Variants in PKP4 observed in about 807,000 individuals in gnomAD.
The protein encoded by PKP4 is plakophilin 4, also known as plakophilin-4.
Under a neutral mutation model 145.1 loss-of-function variants are expected in PKP4, and 90 were observed. That is an observed-to-expected ratio of 0.62 (90% CI 0.52 to 0.74). The LOEUF is 0.74. Among genes scored for constraint, PKP4 ranks in the 30% least tolerant of loss-of-function variants. The pLI is 0.00. For synonymous variants in PKP4, 563 were observed against 577.2 expected, an observed-to-expected ratio of 0.98 and a Z score of 0.35; for missense variants, 1,340 against 1,482.7, an observed-to-expected ratio of 0.90 and a Z score of 1.58.
At chr2:158,595,082 T>G (rs761453130) in intron 3 of PKP4, among the ~76,000 whole-genome samples, 1 of 152,194 alleles carries the variant, frequency 6.6e-6, no homozygotes, top group East Asian at 1.9e-4. Flanking sequence ...TGTTCTGACG[T>G]TAAGACAGAG....
chr2:158,673,858 G>A, intron 18 of PKP4, 25 bp from the exon 19 acceptor site: 1 of 1,534,580 alleles, frequency 6.5e-7, no homozygotes, highest in Non-Finnish European at 9.0e-7. Context: ...ATTTTGAGAG[G>A]TTTCTTTTTC....
intron 1 of PKP4, among the ~76,000 whole-genome samples, chr2:158,520,376 T>C (rs2042270621): frequency 6.6e-6 from 1 of 152,244 alleles, no homozygotes; most frequent in South Asian, 2.1e-4. Flanking sequence ...TCTAGGCATT[T>C]ATACATCGTA....
At chr2:158,638,614 G>A (rs1007037320) in intron 9 of PKP4, among the ~76,000 whole-genome samples, 4 of 152,176 alleles carry the variant, frequency 2.6e-5, no homozygotes, top group African/African-American at 9.7e-5. Context: ...TCATCTGGCT[G>A]CTGTATAAAG....
At chr2:158,481,195 A>G (rs565413393) in intron 1 of PKP4, among the ~76,000 whole-genome samples, 16 of 152,268 alleles carry the variant, frequency 1.1e-4, no homozygotes, top group African/African-American at 3.6e-4. Flanking sequence ...AAGTGCTGTG[A>G]TTACAGGTGT....
At chr2:158,586,846 C>G (rs1022805800) in intron 3 of PKP4, among the ~76,000 whole-genome samples, 2 of 152,152 alleles carry the variant, frequency 1.3e-5, no homozygotes, top group African/African-American at 4.8e-5. Flanking sequence ...ATCCAAATGA[C>G]AAGTATCTCT....
intron 11 of PKP4, among the ~76,000 whole-genome samples, chr2:158,648,912 C>A (rs2055078763): frequency 6.6e-6 from 1 of 152,126 alleles, no homozygotes; most frequent in South Asian, 2.1e-4. Flanking sequence ...GCAGGAAAAT[C>A]GCTTGAGCCT....
Position 158,673,745 on chromosome 2 carries a change from G to A in PKP4, c.2993G>A (p.Arg998Gln), listed in dbSNP as rs764636523. Residue 998 changes from arginine (R) to glutamine (Q), a missense_variant, in exon 18 of 22, where the codon CGG becomes CAG. Physicochemically the swap from Arg to Gln is conservative, Grantham distance 43. Transcript: ENST00000389759. Reference protein sequence around the residue: ...LNTLWQYRDLRSIYKKDGWNQ... With the variant: ...LNTLWQYRDLQSIYKKDGWNQ... ...ACATTATGGCAATATCGGGACCTCC[G>A]GAGCATTTATAAAAAGGTAACCTAC... 1.9e-5 allele frequency: 30 copies of A among 1,611,866 alleles called. No homozygotes were observed. Among genetic ancestry groups the A allele is most frequent in the South Asian group, 5.5e-5 (5 of 91,028 alleles).
chr2:158,553,779 A>G (rs2045836825), intron 2 of PKP4, among the ~76,000 whole-genome samples: 2 of 152,178 alleles, frequency 1.3e-5, no homozygotes, highest in South Asian at 2.1e-4. Context: ...TTGGAAGCAG[A>G]TAACTTATCT....
At chr2:158,605,755 C>G (rs889807861) in intron 4 of PKP4, among the ~76,000 whole-genome samples, 1 of 152,230 alleles carries the variant, frequency 6.6e-6, no homozygotes, top group Admixed American at 6.5e-5. Context: ...TTCATCACCC[C>G]TAAAAGAAAC....
intron 2 of PKP4, among the ~76,000 whole-genome samples, chr2:158,544,427 G>C (rs570712593): frequency 1.3e-5 from 2 of 152,230 alleles, no homozygotes; most frequent in South Asian, 4.2e-4. Flanking sequence ...TATGCACTAA[G>C]AAATAAGAAT....
chr2:158,588,573 A>G (rs773918204), intron 3 of PKP4, among the ~76,000 whole-genome samples: 5 of 152,158 alleles, frequency 3.3e-5, no homozygotes, highest in Admixed American at 1.3e-4. Context: ...TAACTCTGGG[A>G]TATATTTCTT....
At chr2:158,611,905 CCA>C (rs1325312178) in intron 4 of PKP4, among the ~76,000 whole-genome samples, 2 of 152,038 alleles carry the variant, frequency 1.3e-5, no homozygotes, top group African/African-American at 2.4e-5. Context: ...GCCCATTTAG[CCA>C]CACAGTCTTG....
chr2:158,566,623 C>A (rs551903176), intron 2 of PKP4, among the ~76,000 whole-genome samples: 103 of 152,220 alleles, frequency 6.8e-4, no homozygotes, highest in Non-Finnish European at 1.1e-3. Flanking sequence ...ATTAATTCTA[C>A]CAAATAACTA....
intron 1 of PKP4, among the ~76,000 whole-genome samples, chr2:158,531,587 A>C (rs1290387412): frequency 6.6e-6 from 1 of 152,192 alleles, no homozygotes. Flanking sequence ...TTTGTTTTAC[A>C]TCTCAATAAG....
At chr2:158,561,793 C>CTTTTTTTTTTTT (rs758042959) in intron 2 of PKP4, among the ~76,000 whole-genome samples, 1 of 145,276 alleles carries the variant, frequency 6.9e-6, no homozygotes, top group Non-Finnish European at 1.5e-5. Context: ...TCAAGTCAGT[C>CTTTTTTTTTTTT]TTTTTTTTTT....
At chr2:158,650,886 G>C (rs941213236) in intron 11 of PKP4, among the ~76,000 whole-genome samples, 1 of 152,328 alleles carries the variant, frequency 6.6e-6, no homozygotes, top group East Asian at 1.9e-4. Flanking sequence ...GCAGCAACTG[G>C]CCTCTCATGC....
At position 158,663,430 on chromosome 2, in the gene PKP4, T is replaced by C. The variant is rs2056791498; in HGVS notation, c.2562T>C (p.Ser854=). 5.6e-6 allele frequency: 9 copies of C among 1,611,594 alleles called. No individual in the cohort carries two copies. The South Asian group carries it at 1.0e-4, about 18-fold the overall frequency. The change falls in exon 15 of 22, where the codon TCT becomes TCC. Residue 854 remains serine (S), a synonymous_variant. Coordinates refer to ENST00000389759, the MANE Select transcript of PKP4 (RefSeq NM_003628.6). Reference sequence around the variant, plus strand: ...CTGCAGGGTCTCTCCAGAACCTCTCTGCTGGCAACTGGAAGGTAGGATGAC... The same window carrying C: ...CTGCAGGGTCTCTCCAGAACCTCTCCGCTGGCAACTGGAAGGTAGGATGAC... ...EGSAGSLQNL[S]AGNWKFAAYI...
At chr2:158,674,333 G>C (rs990295797) in intron 19 of PKP4, among the ~76,000 whole-genome samples, 2 of 152,192 alleles carry the variant, frequency 1.3e-5, no homozygotes, top group African/African-American at 4.8e-5. Flanking sequence ...ACTTCGAGAC[G>C]CACTGGGTTA....
chr2:158,674,114 A>C, intron 19 of PKP4, 114 bp downstream of exon 19: 1 of 759,946 alleles, frequency 1.3e-6, no homozygotes, highest in East Asian at 2.4e-5. Flanking sequence ...AACACTACCC[A>C]TGCAGCAGAG....
Sources: allele counts gnomAD v4.1 joint callset (sites outside exome capture counted in the v4.1 genomes callset), GRCh38; gene constraint gnomAD v4.1.1; transcripts MANE v1.5; gene names NCBI Gene and HGNC (gene_info 2026-07-23, HGNC 2026-07-21).